The following ADAM12 variants were observed in gnomAD, a reference collection of about 807,000 sequenced individuals.
ADAM12 encodes ADAM metallopeptidase domain 12.
In ADAM12, 70 loss-of-function variants were observed where a neutral mutation model predicts 106.4. That is an observed-to-expected ratio of 0.66 (90% CI 0.54 to 0.80). ADAM12 has a LOEUF of 0.80. ADAM12 is among the 30% of genes least tolerant of loss of function. The pLI, the probability that ADAM12 is intolerant of heterozygous loss-of-function variation, is 0.00. For missense variants in ADAM12, 1,010 were observed against 1,171.9 expected (o/e 0.86, Z 2.02); for synonymous variants, 420 against 433.5 (o/e 0.97, Z 0.39).
intron 4 of ADAM12, among the ~76,000 whole-genome samples, chr10:126,147,480 A>G (rs1956650558): frequency 6.6e-6 from 1 of 152,172 alleles, no homozygotes; most frequent in Non-Finnish European, 1.5e-5. Context: ...ATGTTCCCCT[A>G]TCACAACCAA....
At position 126,049,988 on chromosome 10, in the gene ADAM12, G is replaced by GTGGCTGGCTGGCTGGCTGGC. The variant is rs60411537; in HGVS notation, c.1610-339_1610-320dup. Among the ~76,000 whole-genome samples, 4 of 149,830 alleles carry GTGGCTGGCTGGCTGGCTGGC rather than the reference G, an allele frequency of 2.7e-5. No homozygotes were observed. Among genetic ancestry groups the GTGGCTGGCTGGCTGGCTGGC allele is most frequent in the Admixed American group, 6.7e-5 (1 of 14,994 alleles). On this transcript the variant is annotated intron_variant, in intron 14 of 22. Coordinates refer to ENST00000448723, the MANE Select transcript of ADAM12 (RefSeq NM_001288973.2). This position sits in a 1 kb window ranked among gnomAD's most constrained non-coding sequence, Gnocchi z 4.4. ...AGATCTGATCCAGGGCAGAAAGGAG[G>GTGGCTGGCTGGCTGGCTGGC]TGGCTGGCTGGCTGGCTGGCTGGCT...
At chr10:126,147,995 TG>T (rs1227911182) in intron 4 of ADAM12, among the ~76,000 whole-genome samples, 2 of 152,194 alleles carry the variant, frequency 1.3e-5, no homozygotes, top group African/African-American at 4.8e-5. Flanking sequence ...AGCTGTCTTT[TG>T]GCATGTAAAC....
At chr10:126,118,950 T>C (rs370929602) in intron 5 of ADAM12, among the ~76,000 whole-genome samples, 171 of 152,352 alleles carry the variant, frequency 1.1e-3, no homozygotes, top group African/African-American at 4.0e-3. Flanking sequence ...GAAATCTTTT[T>C]ATAAAAGGAC....
intron 8 of ADAM12, among the ~76,000 whole-genome samples, chr10:126,102,329 G>A (rs1173958877): frequency 6.6e-6 from 1 of 152,172 alleles, no homozygotes; most frequent in African/African-American, 2.4e-5. Flanking sequence ...GAGATCCCAG[G>A]TAGCCACGGA....
intron 4 of ADAM12, among the ~76,000 whole-genome samples, chr10:126,141,040 A>G (rs1281444134): frequency 2.0e-5 from 3 of 152,258 alleles, no homozygotes; most frequent in African/African-American, 7.2e-5. Flanking sequence ...CACTGATGCT[A>G]AGAGGCAGGC....
At chr10:126,382,595 G>A (rs1014897043) in intron 1 of ADAM12, among the ~76,000 whole-genome samples, 2 of 152,164 alleles carry the variant, frequency 1.3e-5, no homozygotes, top group African/African-American at 4.8e-5. Context: ...ATATGTGGAC[G>A]TCTCTCAGCA....
intron 3 of ADAM12, among the ~76,000 whole-genome samples, chr10:126,198,640 C>T (rs1470999162): frequency 6.6e-6 from 1 of 152,240 alleles, no homozygotes; most frequent in African/African-American, 2.4e-5. Flanking sequence ...GGGATCTCTG[C>T]CTGCACCTCT....
intron 1 of ADAM12, among the ~76,000 whole-genome samples, chr10:126,355,204 A>T (rs1041369149): frequency 6.6e-6 from 1 of 152,230 alleles, no homozygotes; most frequent in Non-Finnish European, 1.5e-5. Context: ...TAAAAAGACA[A>T]AGGAGTTAAG....
At chr10:126,202,908 T>C (rs113052469) in intron 3 of ADAM12, among the ~76,000 whole-genome samples, 12,873 of 152,144 alleles carry the variant, frequency 0.085, 1,646 homozygotes, top group African/African-American at 0.28. Flanking sequence ...AAAAAATGTC[T>C]CCTTTCAAGA....
intron 2 of ADAM12, among the ~76,000 whole-genome samples, chr10:126,284,604 T>G (rs1483731899): frequency 6.6e-6 from 1 of 152,104 alleles, no homozygotes; most frequent in Non-Finnish European, 1.5e-5. Flanking sequence ...CCCAGGCTGG[T>G]CTCAAACTCC....
intron 21 of ADAM12, among the ~76,000 whole-genome samples, chr10:126,020,521 T>C (rs1236713700): frequency 3.3e-5 from 5 of 152,146 alleles, no homozygotes; most frequent in Non-Finnish European, 7.3e-5. Context: ...AAATGATGCT[T>C]TGGGACTTGT....
chr10:126,306,534 C>T (rs568012071), intron 2 of ADAM12, among the ~76,000 whole-genome samples: 2 of 152,144 alleles, frequency 1.3e-5, no homozygotes, highest in Non-Finnish European at 2.9e-5. Flanking sequence ...GAAGGACATC[C>T]TTTCATAGCT....
In ADAM12 at chr10:126,078,422, A is replaced by G. The variant is rs939334825; in HGVS notation, c.1146-6768T>C. 2.0e-5 allele frequency among the ~76,000 whole-genome samples: 3 copies of G among 152,090 alleles called. No individual in the cohort carries two copies. The East Asian group carries it at 5.8e-4, about 29-fold the overall frequency. ...TCTCCAGCCGTTCTCCAAGGCCCAT[A>G]TAATTCCACTCCTCCAGAAACGGTC... On this transcript the variant is annotated intron_variant, in intron 11 of 22. Coordinates refer to ENST00000448723, the MANE Select transcript of ADAM12 (RefSeq NM_001288973.2).
At chr10:126,123,965 TC>T (rs1301699376) in intron 5 of ADAM12, among the ~76,000 whole-genome samples, 1 of 152,226 alleles carries the variant, frequency 6.6e-6, no homozygotes, top group East Asian at 1.9e-4. Flanking sequence ...ATTTTAGCTT[TC>T]AAAGTGGACA....
chr10:126,179,838 C>T (rs201874596), intron 3 of ADAM12, among the ~76,000 whole-genome samples: 1 of 152,144 alleles, frequency 6.6e-6, no homozygotes, highest in Non-Finnish European at 1.5e-5. Flanking sequence ...AGGAAGTAGT[C>T]GGCTGTCACT....
intron 3 of ADAM12, among the ~76,000 whole-genome samples, chr10:126,190,989 CCTTTTTTTTTTTTTTT>C (rs1314670237): frequency 0.089 from 6,102 of 68,710 alleles, 684 homozygotes; most frequent in African/African-American, 0.2. Flanking sequence ...GGAGTTTTGT[CCTTTTTTTTTTTTTTT>C]TTTTTTTTTT....
Position 126,038,369 on chromosome 10 carries a change from C to T in ADAM12, c.2241-20G>A. 6.5e-7 allele frequency: 1 copy of T among 1,537,324 alleles called. No homozygotes were observed. Among genetic ancestry groups the T allele is most frequent in the South Asian group, 1.3e-5 (1 of 79,302 alleles). ...ACACACCTGCAACAGAATCCCATAC[C>T]TGCTGACCAAGCGTGTTTCCCCTTC... is the stretch of plus-strand genomic sequence containing the variant. On this transcript the variant is annotated intron_variant, in intron 19 of 22. Coordinates refer to ENST00000448723, the MANE Select transcript of ADAM12 (RefSeq NM_001288973.2).
rs1202036074 is a variant in ADAM12 at position 126,012,834 on chromosome 10, TA to T, written c.*4444del. 6.6e-6 allele frequency: 1 copy of T among 152,228 alleles called. No individual in the cohort carries two copies. Among genetic ancestry groups the T allele is most frequent in the Non-Finnish European group, 1.5e-5 (1 of 68,044 alleles). The allele number at this position is 152,228 out of a possible 1,614,324, so 9.4% of individuals were successfully genotyped here. ...TCTGCCCTACTAAGGTACCTGCTTA[TA>T]GGCCATGAAAATAAAACGCCATTCA... On this transcript the variant is annotated 3_prime_UTR_variant, in exon 23 of 23. Transcript: ENST00000448723.
At position 126,039,339 on chromosome 10, in the gene ADAM12, A is replaced by G. The variant is rs769622363; in HGVS notation, c.2195T>C (p.Ile732Thr). 1.2e-6 allele frequency: 2 copies of G among 1,614,148 alleles called. No homozygotes were observed. Among genetic ancestry groups the G allele is most frequent in the South Asian group, 2.2e-5 (2 of 91,088 alleles). ...FVVYLKRKTL[I>T]RLLFTNKKTT... ...CTTCTTATTTGTAAACAGCAGTCGT[A>G]TCAAGGTCTTCCTTTTGAGATAAAC... The change falls in exon 19 of 23, where the codon ATA (isoleucine) becomes ACA (threonine). Residue 732 changes from isoleucine (I) to threonine (T), a missense_variant. This residue lies in a region of ADAM12 where 615 missense variants were observed against 708.5 expected (regional missense o/e 0.87). Transcript: ENST00000448723.
Sources: gnomAD v4.1 joint callset for allele counts (sites outside exome capture counted in the v4.1 genomes callset) on GRCh38, gnomAD v4.1.1 for gene constraint, gnomAD v4.1.1 regional missense constraint, Gnocchi (gnomAD v3.1) non-coding constraint, MANE v1.5 for transcripts, NCBI Gene and HGNC (gene_info 2026-07-23, HGNC 2026-07-21) for gene names.